The following ZCCHC10 variants were observed in gnomAD, a reference collection of about 807,000 sequenced individuals.
The protein encoded by ZCCHC10 is zinc finger CCHC-type containing 10, also known as zinc finger CCHC domain-containing protein 10.
ZCCHC10 carries 16 observed loss-of-function variants against 19.5 expected under a neutral mutation model. The ratio of observed to expected loss-of-function variants is 0.82; its 90% CI spans 0.56 to 1.25. The LOEUF is 1.25. Ranked by LOEUF, ZCCHC10 falls within the 50% of genes most tolerant of loss-of-function variation. ZCCHC10 has a pLI of 0.00. For missense variants in ZCCHC10, 197 were observed against 201.0 expected, an observed-to-expected ratio of 0.98 and a Z score of 0.12; for synonymous variants, 67 against 72.5, an observed-to-expected ratio of 0.92 and a Z score of 0.38.
chr5:133,022,908 T>C lies in ZCCHC10; in HGVS notation c.42-2A>G, dbSNP rs1039948357. On this transcript the variant is annotated splice_acceptor_variant, in intron 1 of 4. Coordinates refer to ENST00000509437, the MANE Select transcript of ZCCHC10 (RefSeq NM_001300816.3). LOFTEE classifies it high-confidence loss of function. The stretch of plus-strand genomic sequence containing the variant: ...ACAGGCTGCAACTCTGTGTCGAATC[T>C]AACAAGATGAAATTTAACAAGGACA... The C allele has an allele frequency of 6.8e-6, 4 of 587,642 alleles. No individual in the cohort carries two copies. Among genetic ancestry groups the C allele is most frequent in the Non-Finnish European group, 1.2e-5 (4 of 332,328 alleles). The allele number at this position is 587,642 out of a possible 1,614,324, so 36.4% of individuals were successfully genotyped here. A position where few individuals can be genotyped will look rare whatever the true frequency, so the allele number is the denominator to read the frequency against.
intron 3 of ZCCHC10, among the ~76,000 whole-genome samples, chr5:133,001,265 C>T (rs1210686905): frequency 2.0e-5 from 3 of 151,720 alleles, no homozygotes; most frequent in Non-Finnish European, 4.4e-5. Context: ...GTGGTGCATG[C>T]CTGTACTCCC....
At chr5:133,009,315 T>C (rs1426992466) in intron 2 of ZCCHC10, among the ~76,000 whole-genome samples, 2 of 151,364 alleles carry the variant, frequency 1.3e-5, no homozygotes, top group African/African-American at 2.4e-5. Context: ...ATTCTGTCTC[T>C]TAAAAAAAAC....
At chr5:133,017,156 C>T (rs1319921512) in intron 2 of ZCCHC10, among the ~76,000 whole-genome samples, 8 of 144,774 alleles carry the variant, frequency 5.5e-5, no homozygotes, top group Non-Finnish European at 1.1e-4. Flanking sequence ...ATTGGACTTC[C>T]CCACTACTGG....
intron 2 of ZCCHC10, among the ~76,000 whole-genome samples, chr5:133,012,434 C>T (rs1383432536): frequency 6.6e-6 from 1 of 150,462 alleles, no homozygotes; most frequent in Non-Finnish European, 1.5e-5. Context: ...CACAACTGCA[C>T]TCCAGCCTAG....
At chr5:133,011,681 T>C (rs1335758510) in intron 2 of ZCCHC10, among the ~76,000 whole-genome samples, 1 of 122,990 alleles carries the variant, frequency 8.1e-6, no homozygotes, top group Non-Finnish European at 1.8e-5. Flanking sequence ...CCAATAAAAG[T>C]AGCTAAACAA....
At chr5:133,021,489 A>G (rs571247929) in intron 2 of ZCCHC10, among the ~76,000 whole-genome samples, 1 of 152,320 alleles carries the variant, frequency 6.6e-6, no homozygotes, top group Non-Finnish European at 1.5e-5. Flanking sequence ...AGAAAACTCA[A>G]TACTGTTAGG....
chr5:133,008,287 C>G (rs1763265620), intron 2 of ZCCHC10, among the ~76,000 whole-genome samples: 2 of 150,654 alleles, frequency 1.3e-5, no homozygotes, highest in South Asian at 4.2e-4. Flanking sequence ...CGCCTGTAAT[C>G]CCAGCACTTT....
chr5:133,025,237 G>C (rs1764594426), intron 1 of ZCCHC10, among the ~76,000 whole-genome samples: 1 of 152,016 alleles, frequency 6.6e-6, no homozygotes, highest in African/African-American at 2.4e-5. Context: ...GCGCGCGGTA[G>C]CTCACGCCTG....
At chr5:133,018,991 A>T (rs1764109635) in intron 2 of ZCCHC10, 1 of 415,926 alleles carries the variant, frequency 2.4e-6, no homozygotes, top group African/African-American at 2.1e-5. Context: ...ATATTGAGAA[A>T]CTGGTAGCTT....
chr5:133,000,381 C>A (rs1173031183), intron 3 of ZCCHC10, among the ~76,000 whole-genome samples: 1 of 152,174 alleles, frequency 6.6e-6, no homozygotes, highest in Non-Finnish European at 1.5e-5. Flanking sequence ...ACTTAACCAG[C>A]ATTTAAGCAA....
At chr5:133,017,257 G>A (rs948648716) in intron 2 of ZCCHC10, among the ~76,000 whole-genome samples, 2 of 152,226 alleles carry the variant, frequency 1.3e-5, no homozygotes, top group East Asian at 3.9e-4. Flanking sequence ...ATATTTCAAA[G>A]CCAAGTTGAC....
chr5:133,008,705 C>T (rs1459060533), intron 2 of ZCCHC10, among the ~76,000 whole-genome samples: 4 of 151,318 alleles, frequency 2.6e-5, no homozygotes, highest in Admixed American at 6.6e-5. Context: ...TCAATCTCTA[C>T]AACAAATTTT....
chr5:133,014,930 C>A (rs1255971110), intron 2 of ZCCHC10, among the ~76,000 whole-genome samples: 2 of 152,208 alleles, frequency 1.3e-5, no homozygotes, highest in Non-Finnish European at 2.9e-5. Context: ...CTCTGAGTAT[C>A]TTTGGCAGGA....
intron 1 of ZCCHC10, among the ~76,000 whole-genome samples, chr5:133,024,787 C>T (rs1010560206): frequency 6.6e-6 from 1 of 152,022 alleles, no homozygotes; most frequent in Non-Finnish European, 1.5e-5. Context: ...CCTGTAGTCC[C>T]AGCTAGTCGG....
intron 2 of ZCCHC10, among the ~76,000 whole-genome samples, chr5:133,012,894 C>CA (rs1169189855): frequency 1.3e-5 from 2 of 151,498 alleles, no homozygotes; most frequent in Non-Finnish European, 2.9e-5. Context: ...ATTAAAAATA[C>CA]AAAAAAATTA....
Position 133,022,851 on chromosome 5 carries a change from T to C in ZCCHC10, c.97A>G (p.Ile33Val), listed in dbSNP as rs1328567918. 6.5e-6 allele frequency: 4 copies of C among 612,642 alleles called. No individual in the cohort carries two copies. Among genetic ancestry groups the C allele is most frequent in the Non-Finnish European group, 1.2e-5 (4 of 346,460 alleles). The allele number at this position is 612,642 out of a possible 1,614,324, so 38.0% of individuals were successfully genotyped here. A position where few individuals can be genotyped will look rare whatever the true frequency, so the allele number is the denominator to read the frequency against. The change falls in exon 2 of 5, where the codon ATC becomes GTC. Residue 33 changes from isoleucine (I) to valine (V), a missense_variant. Transcript: ENST00000509437. ...AGCTGAGAGGGATACCTAATAACGA[T>C]GGATGGCTGAATCAGGATCCAAAAG... Reference protein sequence around the residue: ...KTFWILIQPSIVISEANKQHV... With the variant: ...KTFWILIQPSVVISEANKQHV...
At chr5:133,009,427 G>A (rs1763350350) in intron 2 of ZCCHC10, among the ~76,000 whole-genome samples, 2 of 151,818 alleles carry the variant, frequency 1.3e-5, no homozygotes, top group African/African-American at 4.8e-5. Flanking sequence ...AGACCAGCGT[G>A]GCCAACATGG....
chr5:133,005,431 G>A (rs897168559), intron 3 of ZCCHC10, among the ~76,000 whole-genome samples: 5 of 152,190 alleles, frequency 3.3e-5, no homozygotes, highest in Non-Finnish European at 5.9e-5. Flanking sequence ...TGGGCAACAT[G>A]GCAAAATCCC....
chr5:133,020,670 T>A (rs1360939905), intron 2 of ZCCHC10, among the ~76,000 whole-genome samples: 6 of 147,044 alleles, frequency 4.1e-5, no homozygotes, highest in Non-Finnish European at 4.5e-5. Context: ...ATTAGTAAGG[T>A]CAGAGGACAT....
Sources: allele counts gnomAD v4.1 joint callset (sites outside exome capture counted in the v4.1 genomes callset), GRCh38; gene constraint gnomAD v4.1.1; transcripts MANE v1.5; gene names NCBI Gene and HGNC (gene_info 2026-07-23, HGNC 2026-07-21).